Variants in AK7 observed in about 807,000 individuals in gnomAD.
AK7 encodes the protein ATP-AMP transphosphorylase 7.
A neutral mutation model predicts 96.6 loss-of-function variants in AK7; 78 were observed. The observed-to-expected ratio is 0.81, with a 90% CI of 0.67 to 0.97. The LOEUF is 0.97. Ranked by LOEUF, AK7 falls within the 50% of genes least tolerant of loss-of-function variation. AK7 has a pLI of 0.00. For synonymous variants in AK7, 302 were observed against 317.2 expected, an observed-to-expected ratio of 0.95 and a Z score of 0.51; for missense variants, 855 against 887.9, an observed-to-expected ratio of 0.96 and a Z score of 0.47.
intron 3 of AK7, among the ~76,000 whole-genome samples, chr14:96,405,461 G>C (rs1332786330): frequency 6.6e-6 from 1 of 152,088 alleles, no homozygotes; most frequent in African/African-American, 2.4e-5. Flanking sequence ...TGGAGTTACA[G>C]GCGTGAGCCA....
rs749276458 is a variant in AK7, at chr14:96,446,627, T to C, written c.870+20T>C. On this transcript the variant is annotated intron_variant, in intron 8 of 17. Coordinates refer to ENST00000267584, the MANE Select transcript of AK7 (RefSeq NM_152327.5). ...GTCAAGGTACAGTGGTTTCATCCCA[T>C]ACTTTGATGACATATCGTAAATAGT... 2 of 1,605,812 alleles carry C rather than the reference T, an allele frequency of 1.2e-6. No individual in the cohort carries two copies. The highest frequency in any genetic ancestry group is 3.3e-5 in the Admixed American group (2 of 59,992).
In AK7 at chr14:96,451,480, G is replaced by A; in HGVS notation, c.1008G>A (p.Glu336=). Reference sequence around the variant, plus strand: ...GAATGGAAGCGCTCTTTGTGAAGGAGAATTTTAATATTCGATGGGCTGCCC... The same window carrying A: ...GAATGGAAGCGCTCTTTGTGAAGGAAAATTTTAATATTCGATGGGCTGCCC... ...NLRMEALFVK[E]NFNIRWAAQT... is the part of the protein sequence containing the mutation. The change falls in exon 10 of 18, where the codon GAG becomes GAA. Residue 336 remains glutamate (E), a synonymous_variant. Transcript: ENST00000267584. 1 of 1,599,446 alleles carries A rather than the reference G, an allele frequency of 6.3e-7. No individual in the cohort carries two copies. Among genetic ancestry groups the A allele is most frequent in the Non-Finnish European group, 8.5e-7 (1 of 1,171,922 alleles).
intron 12 of AK7, among the ~76,000 whole-genome samples, chr14:96,469,694 C>G (rs771802949): frequency 6.6e-6 from 1 of 152,046 alleles, no homozygotes; most frequent in Non-Finnish European, 1.5e-5. Flanking sequence ...TACTTAAGAT[C>G]TTTTTTTGTC....
intron 1 of AK7, among the ~76,000 whole-genome samples, chr14:96,392,767 C>A (rs1889831333): frequency 6.6e-6 from 1 of 152,096 alleles, no homozygotes; most frequent in African/African-American, 2.4e-5. Flanking sequence ...GGGTTCACGC[C>A]ATTCTCCTGC....
chr14:96,413,389 G>A lies in AK7; in HGVS notation c.498+4448G>A, dbSNP rs572727103. On this transcript the variant is annotated intron_variant, in intron 4 of 17. Coordinates refer to ENST00000267584, the MANE Select transcript of AK7 (RefSeq NM_152327.5). ...CTCCCAACTGGGTTTGGCCAGTGGG[G>A]CTCACTGGTGAGAGGATAGGGGAAT... is the stretch of plus-strand genomic sequence containing the variant. Among the ~76,000 whole-genome samples the A allele has an allele frequency of 7.6e-4, 116 of 152,208 alleles. 3 individuals carry two copies. Among genetic ancestry groups the A allele is most frequent in the Admixed American group, 2.6e-4 (4 of 15,280 alleles).
At chr14:96,451,348 G>A in intron 9 of AK7, 73 bp from the exon 10 acceptor site, 1 of 1,306,836 alleles carries the variant, frequency 7.7e-7, no homozygotes, top group East Asian at 2.5e-5. Flanking sequence ...AATAACTGTA[G>A]TGATTTTGGT....
chr14:96,479,801 G>C (rs987567902), intron 15 of AK7, among the ~76,000 whole-genome samples: 3 of 152,174 alleles, frequency 2.0e-5, no homozygotes, highest in African/African-American at 7.2e-5. Flanking sequence ...GAAAGAACCA[G>C]CTTCTGCCTG....
intron 7 of AK7, among the ~76,000 whole-genome samples, chr14:96,443,529 A>G (rs916543402): frequency 3.9e-5 from 6 of 152,184 alleles, no homozygotes; most frequent in Non-Finnish European, 8.8e-5. Flanking sequence ...ACAATCTCAG[A>G]TAAATTTCTA....
At chr14:96,420,788 C>A in intron 4 of AK7, 34 bp from the exon 5 acceptor site, 1 of 1,484,804 alleles carries the variant, frequency 6.7e-7, no homozygotes, top group Non-Finnish European at 9.3e-7. Context: ...TCTAATTCAC[C>A]AAGTCTGTAC....
chr14:96,487,397 A>AG lies in AK7; in HGVS notation c.2133+341_2133+342insG, dbSNP rs1162273143. Reference sequence around the variant, plus strand: ...AGACTCCGTCTCAAAAAAAAAAAAAAAAAGAAAAAAAAAGAAAAAAAAATC... The same window carrying AG: ...AGACTCCGTCTCAAAAAAAAAAAAAAGAAAGAAAAAAAAAGAAAAAAAAATC... On this transcript the variant is annotated intron_variant, in intron 17 of 17. Transcript: ENST00000267584. Among the ~76,000 whole-genome samples the AG allele has an allele frequency of 5.5e-5, 8 of 146,700 alleles. No individual in the cohort carries two copies. The South Asian group carries it at 1.7e-3, about 32-fold the overall frequency.
chr14:96,445,571 G>C (rs2140099673), intron 7 of AK7, among the ~76,000 whole-genome samples: 2 of 152,198 alleles, frequency 1.3e-5, no homozygotes, highest in South Asian at 4.1e-4. Context: ...GAGGCGGGAG[G>C]ATCACTTGAC....
intron 3 of AK7, among the ~76,000 whole-genome samples, chr14:96,406,371 C>T (rs533471043): frequency 6.6e-6 from 1 of 152,340 alleles, no homozygotes; most frequent in Admixed American, 6.5e-5. Flanking sequence ...TTTTCTCAAG[C>T]TTTGACACTG....
intron 4 of AK7, among the ~76,000 whole-genome samples, chr14:96,417,730 C>T (rs938723081): frequency 5.9e-5 from 9 of 152,280 alleles, no homozygotes; most frequent in Non-Finnish European, 1.2e-4. Flanking sequence ...TTGCGCCCTC[C>T]AATCCATCCT....
At chr14:96,444,612 A>T (rs1015414134) in intron 7 of AK7, among the ~76,000 whole-genome samples, 3 of 152,216 alleles carry the variant, frequency 2.0e-5, no homozygotes, top group African/African-American at 7.2e-5. Flanking sequence ...CAAACAAGCC[A>T]GTTTCAGTCT....
intron 1 of AK7, among the ~76,000 whole-genome samples, chr14:96,396,850 C>G (rs1206284691): frequency 6.6e-6 from 1 of 152,246 alleles, no homozygotes; most frequent in African/African-American, 2.4e-5. Flanking sequence ...CCACTGGCCA[C>G]ATGTAGCCAT....
At chr14:96,419,784 C>CTTTT (rs11449244) in intron 4 of AK7, among the ~76,000 whole-genome samples, 1,211 of 101,468 alleles carry the variant, frequency 0.012, 27 homozygotes, top group Non-Finnish European at 0.015. Flanking sequence ...TTTTTTCTTT[C>CTTTT]TTTTCTTTTT....
In AK7 at chr14:96,471,600, T is replaced by G; in HGVS notation, c.1480T>G (p.Phe494Val). 2 of 1,553,244 alleles carry G rather than the reference T, an allele frequency of 1.3e-6. No individual in the cohort carries two copies. The highest frequency in any genetic ancestry group is 8.7e-7 in the Non-Finnish European group (1 of 1,154,064). ...PKTYDQAKDL[F>V]NQEDEEEEDD... ...GACCTATGATCAAGCAAAAGACCTG[T>G]TCAATCGTAAGTTTGAGTGTTCTAT... The change falls in exon 13 of 18, where the codon TTC becomes GTC. Residue 494 changes from phenylalanine to valine, a missense_variant. By Grantham distance (50) the Phe-to-Val change is conservative. Transcript: ENST00000267584.
At chr14:96,427,575 A>G (rs1384392205) in intron 5 of AK7, among the ~76,000 whole-genome samples, 1 of 152,222 alleles carries the variant, frequency 6.6e-6, no homozygotes, top group African/African-American at 2.4e-5. Flanking sequence ...GGGTGGGAAC[A>G]CAGACCCAAG....
chr14:96,440,165 A>G (rs1009726003), intron 6 of AK7, among the ~76,000 whole-genome samples: 6 of 152,076 alleles, frequency 3.9e-5, no homozygotes, highest in East Asian at 1.9e-4. Context: ...TAGTAGAGAC[A>G]GGGTTTCACC....
Sources: allele counts gnomAD v4.1 joint callset (sites outside exome capture counted in the v4.1 genomes callset), GRCh38; gene constraint gnomAD v4.1.1; transcripts MANE v1.5; gene names NCBI Gene and HGNC (gene_info 2026-07-23, HGNC 2026-07-21).